BIRC6: variants seen among roughly 807,000 people sequenced by gnomAD.
BIRC6 encodes dual E2 ubiquitin-conjugating enzyme/E3 ubiquitin-protein ligase BIRC6.
In BIRC6, 98 loss-of-function variants were observed where a neutral mutation model predicts 503.3. The observed-to-expected ratio is 0.19, with a 90% confidence interval of 0.17 to 0.23. The LOEUF (loss-of-function observed/expected upper bound fraction) is 0.23, where lower values mean the gene tolerates loss of function less well. Ranked by LOEUF, BIRC6 falls within the 10% of genes least tolerant of loss-of-function variation. The probability of loss-of-function intolerance (pLI) is 1.00; values close to 1 mark genes in which losing one functional copy is unlikely to be tolerated. For synonymous variants in BIRC6, 2,240 were observed against 2,078.7 expected (o/e 1.08, Z -2.11); for missense variants, 5,360 against 5,806.0 (o/e 0.92, Z 2.50).
At chr2:32,467,766 A>G in intron 27 of BIRC6, 27 bp downstream of exon 27, 1 of 1,579,696 alleles carries the variant, frequency 6.3e-7, no homozygotes, top group Non-Finnish European at 8.6e-7. Context: ...AAGTAAATTG[A>G]TACGCTTTCT....
Position 32,442,176 on chromosome 2 carries a change from G to A in BIRC6, c.4056G>A (p.Val1352=). ...GQITEHAQSL[V]LDTLCWLAGV... ...TCACAGAACATGCCCAGAGCCTTGT[G>A]TTGGATACTCTCTGTTGGTTAGCTG... Residue 1352 remains valine, a synonymous_variant, in exon 18 of 74, where the codon GTG becomes GTA. Coordinates refer to ENST00000421745, the MANE Select transcript of BIRC6 (RefSeq NM_016252.4). The A allele has an allele frequency of 6.2e-7, 1 of 1,611,436 alleles. No individual in the cohort carries two copies. Among genetic ancestry groups the A allele is most frequent in the Non-Finnish European group, 8.5e-7 (1 of 1,179,178 alleles).
chr2:32,599,666 T>G, intron 69 of BIRC6, 73 bp from the exon 70 acceptor site: 3 of 1,464,728 alleles, frequency 2.0e-6, no homozygotes, highest in Non-Finnish European at 2.8e-6. Flanking sequence ...TTATTTCATG[T>G]TGGATTGTAT....
chr2:32,456,983 T>A (rs989174946), intron 23 of BIRC6, among the ~76,000 whole-genome samples: 1 of 152,130 alleles, frequency 6.6e-6, no homozygotes, highest in East Asian at 1.9e-4. Flanking sequence ...CAGGCTGGTC[T>A]TGGGCTCGAA....
intron 65 of BIRC6, chr2:32,565,403 C>T (rs1043256991): frequency 1.3e-5 from 2 of 152,070 alleles, no homozygotes; most frequent in Non-Finnish European, 2.9e-5. Flanking sequence ...TCAGGTTTTT[C>T]TTAAGTATTC....
chr2:32,617,631 AT>A (rs1410500351), intron 73 of BIRC6, 93 bp from the exon 74 acceptor site: 1 of 1,311,984 alleles, frequency 7.6e-7, no homozygotes, highest in Non-Finnish European at 1.0e-6. Flanking sequence ...TGTAGGCTTA[AT>A]GCTTTGGGCT....
At chr2:32,570,239 G>C (rs1206500016) in intron 65 of BIRC6, among the ~76,000 whole-genome samples, 1 of 152,040 alleles carries the variant, frequency 6.6e-6, no homozygotes, top group Admixed American at 6.6e-5. Context: ...AACCATCCTT[G>C]TATCCCTGGG....
At chr2:32,360,921 TTTA>T (rs2033979857) in intron 1 of BIRC6, among the ~76,000 whole-genome samples, 2 of 151,922 alleles carry the variant, frequency 1.3e-5, no homozygotes, top group African/African-American at 4.8e-5. Context: ...TATATATTTA[TTTA>T]TTATTATTGT....
chr2:32,430,225 C>T (rs983377752), intron 11 of BIRC6, among the ~76,000 whole-genome samples: 27 of 152,158 alleles, frequency 1.8e-4, no homozygotes, highest in Admixed American at 1.6e-3. Context: ...GGAACAATGG[C>T]TTAGCATTTT....
At chr2:32,433,115 C>CAA (rs2044322539) in intron 12 of BIRC6, among the ~76,000 whole-genome samples, 1 of 152,084 alleles carries the variant, frequency 6.6e-6, no homozygotes, top group Non-Finnish European at 1.5e-5. Flanking sequence ...GGCCTGAGTT[C>CAA]ACTGAAAAAT....
intron 22 of BIRC6, 29 bp downstream of exon 22, chr2:32,448,957 C>G: frequency 6.3e-7 from 1 of 1,592,922 alleles, no homozygotes; most frequent in Non-Finnish European, 8.6e-7. Context: ...AAAGGAAATT[C>G]TGAATGTTGT....
In BIRC6 at chr2:32,575,212, G is replaced by T. The variant is rs764248241; in HGVS notation, c.13201G>T (p.Ala4401Ser). ...LYRALLELLR[A>S]IASCAAMVPL... ...TCGGGCACTGCTGGAATTGCTTCGG[G>T]CCATTGCTTCTTGTGCTGCCATGGT... The change falls in exon 66 of 74, where the codon GCC becomes TCC. Residue 4401 changes from alanine (A) to serine (S), a missense_variant. By Grantham distance (99) the Ala-to-Ser change is moderately conservative. This residue lies in a region of BIRC6 where 477 missense variants were observed against 574.4 expected (regional missense o/e 0.83). Coordinates refer to ENST00000421745, the MANE Select transcript of BIRC6 (RefSeq NM_016252.4). The T allele has an allele frequency of 6.2e-7, 1 of 1,614,012 alleles. No homozygotes were observed. Among genetic ancestry groups the T allele is most frequent in the Non-Finnish European group, 8.5e-7 (1 of 1,179,894 alleles).
intron 39 of BIRC6, among the ~76,000 whole-genome samples, chr2:32,484,414 C>G (rs1188672997): frequency 1.3e-5 from 2 of 151,914 alleles, no homozygotes; most frequent in African/African-American, 2.4e-5. Flanking sequence ...ATTAGCCAGA[C>G]ATGGTGGCGG....
chr2:32,359,880 A>G (rs1286165664), intron 1 of BIRC6, among the ~76,000 whole-genome samples: 4 of 152,106 alleles, frequency 2.6e-5, no homozygotes, highest in Non-Finnish European at 5.9e-5. Flanking sequence ...GAAGTTTGTT[A>G]TTAATAATAA....
chr2:32,617,208 T>G (rs1021452809), intron 73 of BIRC6, among the ~76,000 whole-genome samples: 1 of 152,218 alleles, frequency 6.6e-6, no homozygotes, highest in African/African-American at 2.4e-5. Context: ...AAGACCAGCC[T>G]GGCCAACATA....
intron 45 of BIRC6, among the ~76,000 whole-genome samples, chr2:32,498,186 C>T (rs755621215): frequency 3.3e-5 from 5 of 152,006 alleles, no homozygotes; most frequent in Admixed American, 2.0e-4. Flanking sequence ...CTTAACTTGC[C>T]GAATAGCTGG....
intron 6 of BIRC6, among the ~76,000 whole-genome samples, chr2:32,399,435 G>T (rs1375466789): frequency 6.6e-6 from 1 of 152,150 alleles, no homozygotes; most frequent in Non-Finnish European, 1.5e-5. Context: ...AGGCTGAAGT[G>T]CAATGGCTAT....
At chr2:32,387,273 AT>A (rs1300117037) in intron 3 of BIRC6, among the ~76,000 whole-genome samples, 1 of 150,730 alleles carries the variant, frequency 6.6e-6, no homozygotes, top group Non-Finnish European at 1.5e-5. Flanking sequence ...GAACAGATTA[AT>A]TAGGTCTAGA....
In BIRC6 at chr2:32,401,383, A is replaced by G; in HGVS notation, c.1255A>G (p.Lys419Glu). The G allele has an allele frequency of 6.2e-7, 1 of 1,613,752 alleles. No homozygotes were observed. Among genetic ancestry groups the G allele is most frequent in the Non-Finnish European group, 8.5e-7 (1 of 1,179,666 alleles). The change falls in exon 7 of 74, where the codon AAG (lysine) becomes GAG (glutamate). Residue 419 changes from lysine to glutamate, a missense_variant and splice_region_variant. Physicochemically the swap from Lys to Glu is moderately conservative, Grantham distance 56. Around this residue, in one of 16 missense-constraint regions of BIRC6, gnomAD observed 700 missense variants for 739.3 expected, o/e 0.95. Coordinates refer to ENST00000421745, the MANE Select transcript of BIRC6 (RefSeq NM_016252.4). ...ICIWDVSKLM[K>E]VHLKFEINAY... ...CATATGGGATGTTTCCAAACTTATG[A>G]AGGTATGTTTGAATTTTGAAGTAAC...
chr2:32,402,448 T>C (rs939809034), intron 8 of BIRC6, among the ~76,000 whole-genome samples: 4 of 152,250 alleles, frequency 2.6e-5, no homozygotes, highest in South Asian at 4.1e-4. Flanking sequence ...GGTGTTACTC[T>C]GTAGTCAGTG....
Sources: allele counts gnomAD v4.1 joint callset (sites outside exome capture counted in the v4.1 genomes callset), GRCh38; gene constraint gnomAD v4.1.1; regional missense constraint gnomAD v4.1.1; transcripts MANE v1.5; gene names NCBI Gene and HGNC (gene_info 2026-07-23, HGNC 2026-07-21).